The following RALYL variants were observed in gnomAD, a reference collection of about 807,000 sequenced individuals.
RALYL encodes RNA-binding Raly-like protein.
RALYL carries 29 observed loss-of-function variants against 35.1 expected under a neutral mutation model. The observed-to-expected ratio is 0.83, with a 90% CI of 0.61 to 1.13. The LOEUF (loss-of-function observed/expected upper bound fraction) is 1.13, where lower values mean the gene tolerates loss of function less well. Ranked by LOEUF, RALYL falls within the 50% of genes most tolerant of loss-of-function variation. The pLI, the probability that RALYL is intolerant of heterozygous loss-of-function variation, is 0.00. For synonymous variants in RALYL, 120 were observed against 127.6 expected, an observed-to-expected ratio of 0.94 and a Z score of 0.40; for missense variants, 359 against 360.4, an observed-to-expected ratio of 1.00 and a Z score of 0.03.
chr8:84,888,847 T>C (rs1292533771), intron 8 of RALYL, among the ~76,000 whole-genome samples: 8 of 152,062 alleles, frequency 5.3e-5, no homozygotes, highest in Non-Finnish European at 1.2e-4. Context: ...CCCCCCTGGT[T>C]CAAGCGATTC....
intron 2 of RALYL, among the ~76,000 whole-genome samples, chr8:84,554,578 A>C (rs2135483967): frequency 6.6e-6 from 1 of 152,282 alleles, no homozygotes; most frequent in African/African-American, 2.4e-5. Context: ...TAGTCCCAGT[A>C]ATACTTACAG....
chr8:84,735,841 A>AGAGAGAGAGAGAGAGAGAGAGAAC (rs1180314583), intron 2 of RALYL, among the ~76,000 whole-genome samples: 17 of 150,516 alleles, frequency 1.1e-4, no homozygotes, highest in African/African-American at 4.2e-4. Context: ...AGAGAGAGAG[A>AGAGAGAGAGAGAGAGAGAGAGAAC]GAGAGAGAAC....
At chr8:84,484,948 G>T (rs919421850) in intron 1 of RALYL, among the ~76,000 whole-genome samples, 1 of 152,112 alleles carries the variant, frequency 6.6e-6, no homozygotes, top group African/African-American at 2.4e-5. Flanking sequence ...GTTATTATAT[G>T]TCAAGCTCTG....
intron 2 of RALYL, among the ~76,000 whole-genome samples, chr8:84,758,295 T>G (rs1379914111): frequency 1.3e-5 from 2 of 152,228 alleles, no homozygotes; most frequent in Non-Finnish European, 2.9e-5. Flanking sequence ...ATTAGTACTT[T>G]TTCTTTTTCT....
chr8:84,475,644 T>C (rs1344758700), intron 1 of RALYL, among the ~76,000 whole-genome samples: 1 of 152,192 alleles, frequency 6.6e-6, no homozygotes, highest in Non-Finnish European at 1.5e-5. Flanking sequence ...CAGAAATTGT[T>C]AGCTGGTAGA....
At chr8:84,582,928 G>A (rs543086082) in intron 2 of RALYL, among the ~76,000 whole-genome samples, 1 of 151,978 alleles carries the variant, frequency 6.6e-6, no homozygotes, top group Non-Finnish European at 1.5e-5. Context: ...GTTAGATATA[G>A]TTTGGGATGC....
At chr8:84,627,999 C>T (rs1033512240) in intron 2 of RALYL, among the ~76,000 whole-genome samples, 3 of 151,932 alleles carry the variant, frequency 2.0e-5, no homozygotes, top group African/African-American at 4.8e-5. Context: ...TCTCTTTTGC[C>T]GTCTTTCAAT....
At chr8:84,816,609 T>G (rs1423379605) in intron 4 of RALYL, among the ~76,000 whole-genome samples, 5 of 151,942 alleles carry the variant, frequency 3.3e-5, no homozygotes, top group Non-Finnish European at 5.9e-5. Context: ...GGTTGGAAGA[T>G]CTTCAAGAAT....
chr8:84,201,194 T>C (rs1267958998), intron 1 of RALYL, among the ~76,000 whole-genome samples: 1 of 152,120 alleles, frequency 6.6e-6, no homozygotes, highest in African/African-American at 2.4e-5. Context: ...CAAGACTATA[T>C]GTAAAATAAC....
chr8:84,239,830 A>G (rs943969028), intron 1 of RALYL, among the ~76,000 whole-genome samples: 1 of 152,066 alleles, frequency 6.6e-6, no homozygotes, highest in African/African-American at 2.4e-5. Flanking sequence ...GGCAGAGGCT[A>G]CTGTGAAGCC....
intron 2 of RALYL, among the ~76,000 whole-genome samples, chr8:84,722,349 A>G (rs150857154): frequency 2.0e-5 from 3 of 151,984 alleles, no homozygotes; most frequent in Admixed American, 6.6e-5. Context: ...AAAATATTGT[A>G]TGGTTGATAA....
intron 1 of RALYL, among the ~76,000 whole-genome samples, chr8:84,418,060 G>T (rs568740357): frequency 4.2e-4 from 64 of 152,166 alleles, no homozygotes; most frequent in East Asian, 2.3e-3. Flanking sequence ...GCATCACCTG[G>T]TTTTTTCCAA....
chr8:84,715,892 G>A lies in RALYL; in HGVS notation c.257-58687G>A, dbSNP rs528330776. On this transcript the variant is annotated intron_variant, in intron 2 of 8. Transcript: ENST00000521268. ...TAAATATTGACTCAAAGTATTAATG[G>A]TCTCTTATTATTGACATATTATCTC... Among the ~76,000 whole-genome samples, 17 of 152,016 alleles carry A rather than the reference G, an allele frequency of 1.1e-4. No homozygotes were observed. In the South Asian group the frequency reaches 3.1e-3, roughly 28 times the overall value.
chr8:84,573,050 T>G (rs760461282), intron 2 of RALYL, among the ~76,000 whole-genome samples: 10 of 151,608 alleles, frequency 6.6e-5, no homozygotes, highest in Non-Finnish European at 1.5e-4. Context: ...CTTACAACAG[T>G]GTACTTCCAT....
chr8:84,466,889 G>C (rs2051761554), intron 1 of RALYL, among the ~76,000 whole-genome samples: 1 of 151,392 alleles, frequency 6.6e-6, no homozygotes, highest in African/African-American at 2.4e-5. Context: ...ATGTGTCGAG[G>C]AATTTATCCA....
intron 1 of RALYL, among the ~76,000 whole-genome samples, chr8:84,413,642 A>G (rs1010304842): frequency 2.6e-5 from 4 of 152,056 alleles, no homozygotes; most frequent in African/African-American, 9.6e-5. Context: ...TTAATTTTCA[A>G]TTAGAACATC....
At chr8:84,662,195 G>A (rs1476830478) in intron 2 of RALYL, among the ~76,000 whole-genome samples, 1 of 152,004 alleles carries the variant, frequency 6.6e-6, no homozygotes, top group East Asian at 1.9e-4. Context: ...CGGCTCTCAG[G>A]ATAATGCTGA....
chr8:84,800,941 C>T (rs1201340965), intron 3 of RALYL, among the ~76,000 whole-genome samples: 2 of 152,140 alleles, frequency 1.3e-5, no homozygotes, highest in Non-Finnish European at 2.9e-5. Flanking sequence ...GTGCTAGATG[C>T]TCTAAATAGA....
intron 2 of RALYL, among the ~76,000 whole-genome samples, chr8:84,584,279 C>T (rs1811490857): frequency 6.6e-6 from 1 of 151,998 alleles, no homozygotes; most frequent in Non-Finnish European, 1.5e-5. Flanking sequence ...AACAAAGTAC[C>T]ACATTCCCAC....
Sources: gnomAD v4.1 joint callset for allele counts (sites outside exome capture counted in the v4.1 genomes callset) on GRCh38, gnomAD v4.1.1 for gene constraint, MANE v1.5 for transcripts, NCBI Gene and HGNC (gene_info 2026-07-23, HGNC 2026-07-21) for gene names.